The following ZFHX3 variants were observed in gnomAD, a reference collection of about 807,000 sequenced individuals.
ZFHX3 encodes the protein zinc finger homeobox protein 3.
A neutral mutation model predicts 279.1 loss-of-function variants in ZFHX3; 42 were observed. The ratio of observed to expected loss-of-function variants is 0.15; its 90% CI spans 0.12 to 0.19. The LOEUF (loss-of-function observed/expected upper bound fraction) is 0.19. Ranked by LOEUF, ZFHX3 falls within the 10% of genes least tolerant of loss-of-function variation. The pLI is 1.00. For missense variants in ZFHX3, 4,981 were observed against 4,754.0 expected (o/e 1.05, Z -1.40); for synonymous variants, 2,293 against 1,957.8 (o/e 1.17, Z -4.52).
At chr16:73,797,661 G>A (rs939712375) in intron 1 of ZFHX3, among the ~76,000 whole-genome samples, 1 of 152,098 alleles carries the variant, frequency 6.6e-6, no homozygotes, top group African/African-American at 2.4e-5. Context: ...ACACTGGTAC[G>A]GTGGAGAAAG....
At chr16:73,117,078 C>T (rs1160804686) in intron 7 of ZFHX3, among the ~76,000 whole-genome samples, 1 of 152,216 alleles carries the variant, frequency 6.6e-6, no homozygotes, top group African/African-American at 2.4e-5. Context: ...ACACACTAGG[C>T]CTGAACTAAA....
intron 5 of ZFHX3, among the ~76,000 whole-genome samples, chr16:72,823,647 G>A (rs1187006522): frequency 6.6e-6 from 1 of 152,160 alleles, no homozygotes; most frequent in Non-Finnish European, 1.5e-5. Context: ...AGAAATCTGG[G>A]AAAGTTATTA....
intron 4 of ZFHX3, among the ~76,000 whole-genome samples, chr16:73,266,708 G>A (rs1461381072): frequency 3.3e-5 from 5 of 152,188 alleles, no homozygotes; most frequent in Admixed American, 2.6e-4. Flanking sequence ...CCTGGGAATG[G>A]AGCTTTTCTG....
At chr16:72,991,849 C>A (rs1401221476) in intron 1 of ZFHX3, among the ~76,000 whole-genome samples, 1 of 152,130 alleles carries the variant, frequency 6.6e-6, no homozygotes, top group Non-Finnish European at 1.5e-5. Context: ...GAACTTTGTA[C>A]ATTCTGGTCA....
At chr16:73,610,764 C>A (rs1210271635) in intron 2 of ZFHX3, among the ~76,000 whole-genome samples, 3 of 152,182 alleles carry the variant, frequency 2.0e-5, no homozygotes, top group Non-Finnish European at 4.4e-5. Flanking sequence ...TAGCAAGGAA[C>A]AAATATGTTT....
intron 1 of ZFHX3, among the ~76,000 whole-genome samples, chr16:73,868,372 A>C (rs1962081578): frequency 6.6e-6 from 1 of 152,174 alleles, no homozygotes; most frequent in African/African-American, 2.4e-5. Context: ...AAATACAAAA[A>C]AATTAGCCGG....
At chr16:73,261,659 C>G (rs981122640) in intron 4 of ZFHX3, among the ~76,000 whole-genome samples, 21 of 134,072 alleles carry the variant, frequency 1.6e-4, no homozygotes, top group Admixed American at 3.2e-4. Context: ...TATAAACATT[C>G]CTGTGATTGT....
chr16:73,063,125 G>T (rs1037020762), upstream of ZFHX3, among the ~76,000 whole-genome samples: 1 of 152,186 alleles, frequency 6.6e-6, no homozygotes, highest in African/African-American at 2.4e-5. Context: ...CCGCGCGGAG[G>T]AGGCGGGCTG....
At chr16:73,781,514 C>T (rs75472858) in intron 1 of ZFHX3, among the ~76,000 whole-genome samples, 4,245 of 152,266 alleles carry the variant, frequency 0.028, 96 homozygotes, top group East Asian at 0.11. Flanking sequence ...ACATCTATGG[C>T]TGTCTCACAC....
intron 5 of ZFHX3, among the ~76,000 whole-genome samples, chr16:73,194,718 A>G (rs1968107990): frequency 6.6e-6 from 1 of 152,198 alleles, no homozygotes. Flanking sequence ...ATTTTTGTCC[A>G]CACCCAATTC....
chr16:73,305,115 C>T (rs1448487393), intron 4 of ZFHX3, among the ~76,000 whole-genome samples: 1 of 151,922 alleles, frequency 6.6e-6, no homozygotes, highest in African/African-American at 2.4e-5. Context: ...GGCCCAAGAT[C>T]GGAGAGAAAG....
intron 2 of ZFHX3, among the ~76,000 whole-genome samples, chr16:73,559,133 G>C (rs1321835784): frequency 6.6e-6 from 1 of 151,514 alleles, no homozygotes; most frequent in East Asian, 1.9e-4. Context: ...CTGCAGCTTT[G>C]AACTCCGGGG....
chr16:73,801,912 T>C (rs1159509821), intron 1 of ZFHX3, among the ~76,000 whole-genome samples: 1 of 152,196 alleles, frequency 6.6e-6, no homozygotes, highest in East Asian at 1.9e-4. Flanking sequence ...TCTCACATTC[T>C]GGCTTTCTCT....
chr16:73,425,164 A>G (rs2017789188), intron 3 of ZFHX3, among the ~76,000 whole-genome samples: 1 of 152,192 alleles, frequency 6.6e-6, no homozygotes, highest in Non-Finnish European at 1.5e-5. Context: ...TGCAGGAAGC[A>G]CTGTAGCAGG....
chr16:73,835,516 G>A (rs1045929811), intron 1 of ZFHX3, among the ~76,000 whole-genome samples: 1 of 124,430 alleles, frequency 8.0e-6, no homozygotes, highest in Non-Finnish European at 1.6e-5. Context: ...TGTCATCAAG[G>A]CTGGAGTGCA....
intron 1 of ZFHX3, among the ~76,000 whole-genome samples, chr16:73,738,937 C>T (rs148051563): frequency 7.2e-5 from 11 of 152,264 alleles, no homozygotes; most frequent in African/African-American, 2.6e-4. Context: ...AGCTTCCTTT[C>T]GTCTATAACC....
At chr16:73,163,339 T>C (rs1018649353) in intron 5 of ZFHX3, among the ~76,000 whole-genome samples, 5 of 152,102 alleles carry the variant, frequency 3.3e-5, no homozygotes, top group South Asian at 2.1e-4. Flanking sequence ...ATAAAGGCAC[T>C]GGGAAAGGGA....
chr16:73,417,395 T>C (rs934353344), intron 3 of ZFHX3, among the ~76,000 whole-genome samples: 3 of 95,974 alleles, frequency 3.1e-5, no homozygotes, highest in African/African-American at 1.2e-4. Context: ...TTTTTTCTTT[T>C]CTTTTTTTTT....
intron 1 of ZFHX3, among the ~76,000 whole-genome samples, chr16:72,982,248 T>A (rs1187130951): frequency 1.3e-5 from 2 of 152,184 alleles, no homozygotes; most frequent in Non-Finnish European, 2.9e-5. Context: ...ATGGGAATCA[T>A]ATTTTCGATT....
Sources: gnomAD v4.1 joint callset for allele counts (sites outside exome capture counted in the v4.1 genomes callset) on GRCh38, gnomAD v4.1.1 for gene constraint, MANE v1.5 for transcripts, NCBI Gene and HGNC (gene_info 2026-07-23, HGNC 2026-07-21) for gene names.